The following ABCB7 variants were observed in gnomAD, a reference collection of about 807,000 sequenced individuals.
ABCB7 encodes the protein iron-sulfur clusters transporter ABCB7, mitochondrial.
Under a neutral mutation model 54.4 loss-of-function variants are expected in ABCB7, and 7 were observed. That is an observed-to-expected ratio of 0.13 (90% confidence interval 0.07 to 0.24). The LOEUF (loss-of-function observed/expected upper bound fraction) is 0.24, where lower values mean the gene tolerates loss of function less well. Among genes scored for constraint, ABCB7 ranks in the 10% least tolerant of loss-of-function variants. ABCB7 has a pLI of 1.00. For missense variants in ABCB7, 356 were observed against 570.4 expected (o/e 0.62, Z 3.83); for synonymous variants, 218 against 207.1 (o/e 1.05, Z -0.45).
chrX:75,099,237 T>A (rs1463544522), intron 3 of ABCB7, among the ~76,000 whole-genome samples, 176 bp from the exon 4 acceptor site: 2 of 112,106 alleles, frequency 1.8e-5, no homozygotes, highest in African/African-American at 6.5e-5. Flanking sequence ...GAAAAATTAT[T>A]TCAATTACTT....
intron 1 of ABCB7, among the ~76,000 whole-genome samples, chrX:75,129,607 A>T (rs1480642686): frequency 3.8e-5 from 4 of 104,548 alleles, no homozygotes; most frequent in Non-Finnish European, 5.9e-5. Context: ...AATATATATA[A>T]TATATATATA....
intron 1 of ABCB7, among the ~76,000 whole-genome samples, chrX:75,134,214 CA>C (rs1380844576): frequency 9.0e-6 from 1 of 111,454 alleles, no homozygotes; most frequent in African/African-American, 3.3e-5. Flanking sequence ...AAACCAACAA[CA>C]ATCAAAAAGG....
At chrX:75,078,394 T>C (rs1447704055) in intron 4 of ABCB7, among the ~76,000 whole-genome samples, 1 of 111,873 alleles carries the variant, frequency 8.9e-6, no homozygotes, top group Non-Finnish European at 1.9e-5. Context: ...TGTATGTATA[T>C]ATGCATGGAT....
chrX:75,114,436 A>C (rs1235686740), intron 2 of ABCB7, among the ~76,000 whole-genome samples: 2 of 112,395 alleles, frequency 1.8e-5, no homozygotes, highest in East Asian at 5.6e-4. Context: ...AAAAACATAA[A>C]GCATTTCACA....
rs184166601 is a variant in ABCB7, at chrX:75,069,591, A to C, written c.1366-137T>G. The C allele has an allele frequency of 2.1e-4, 130 of 627,613 alleles. No homozygotes were observed. The African/African-American group carries it at 2.7e-3, about 13-fold the overall frequency. The allele number at this position is 627,613 out of a possible 1,213,427, so 51.7% of individuals were successfully genotyped here. On this transcript the variant is annotated intron_variant, in intron 10 of 15. Coordinates refer to ENST00000373394, the MANE Select transcript of ABCB7 (RefSeq NM_001271696.3). ...TTATAAGTGGACTTAGACCACTTCC[A>C]AGCATGCATTTAAAGATTTGTTTTC...
intron 1 of ABCB7, among the ~76,000 whole-genome samples, chrX:75,132,622 T>A (rs1378517317): frequency 1.8e-5 from 2 of 112,384 alleles, no homozygotes; most frequent in African/African-American, 6.5e-5. Flanking sequence ...AGAGGGAGCA[T>A]GGCTGTAAAT....
intron 1 of ABCB7, among the ~76,000 whole-genome samples, chrX:75,115,629 G>C (rs1007097962): frequency 4.6e-5 from 5 of 108,116 alleles, no homozygotes; most frequent in African/African-American, 1.7e-4. Flanking sequence ...GATCAGTTTT[G>C]ACAAACGATT....
Position 75,073,962 on chromosome X carries a change from A to C in ABCB7, c.856-6T>G. The stretch of plus-strand genomic sequence containing the variant: ...TGGGCACCGCATTTGTAATACTAGA[A>C]AAGGAAGTCCAAAGAAGAAACGTGA... On this transcript the variant is annotated splice_region_variant and splice_polypyrimidine_tract_variant and intron_variant, in intron 6 of 15. Coordinates refer to ENST00000373394, the MANE Select transcript of ABCB7 (RefSeq NM_001271696.3). The C allele has an allele frequency of 8.4e-7, 1 of 1,187,692 alleles. No individual in the cohort carries two copies. Among genetic ancestry groups the C allele is most frequent in the Non-Finnish European group, 1.1e-6 (1 of 873,630 alleles).
chrX:75,155,141 A>C (rs979142716), intron 1 of ABCB7, among the ~76,000 whole-genome samples: 2 of 112,943 alleles, frequency 1.8e-5, no homozygotes, highest in Non-Finnish European at 3.7e-5. Flanking sequence ...CAATCTCCTT[A>C]ACTAAACTGT....
chrX:75,060,359 A>G (rs1197985843), intron 14 of ABCB7, 29 bp from the exon 15 acceptor site: 4 of 1,059,191 alleles, frequency 3.8e-6, no homozygotes, highest in African/African-American at 3.7e-5. Flanking sequence ...GAAGAACAGG[A>G]GAAAATAAAA....
chrX:75,099,931 G>A (rs1457408976), intron 3 of ABCB7, among the ~76,000 whole-genome samples: 1 of 109,562 alleles, frequency 9.1e-6, no homozygotes, highest in Admixed American at 9.8e-5. Context: ...GCTTATTACT[G>A]CTGAGGGCAT....
intron 1 of ABCB7, among the ~76,000 whole-genome samples, chrX:75,142,427 C>T (rs916183300): frequency 8.9e-6 from 1 of 111,943 alleles, no homozygotes; most frequent in Non-Finnish European, 1.9e-5. Context: ...ATTGAATCCA[C>T]AGATGCGGAA....
chrX:75,138,277 AAAGT>A (rs1256903058), intron 1 of ABCB7, among the ~76,000 whole-genome samples: 13 of 111,237 alleles, frequency 1.2e-4, no homozygotes, highest in African/African-American at 3.9e-4. Flanking sequence ...CAGAAGAAAA[AAAGT>A]ATGTATTATG....
Position 75,076,408 on chromosome X carries a change from C to T in ABCB7, c.586+114G>A, listed in dbSNP as rs760318766. 9.5e-5 allele frequency: 92 copies of T among 973,179 alleles called. No individual in the cohort carries two copies. In the African/African-American group the frequency reaches 1.6e-3, roughly 17 times the overall value. 80.2% of individuals were successfully genotyped at this position (973,179 alleles called of 1,213,427 possible). A position where few individuals can be genotyped will look rare whatever the true frequency, so the allele number is the denominator to read the frequency against. ...ATACAAAACATCTCACATAAAACAA[C>T]AAACATCCAAAACGCTAAGTTGTGT... On this transcript the variant is annotated intron_variant, in intron 5 of 15. Coordinates refer to ENST00000373394, the MANE Select transcript of ABCB7 (RefSeq NM_001271696.3).
intron 1 of ABCB7, among the ~76,000 whole-genome samples, chrX:75,134,406 T>C (rs768866907): frequency 1.5e-4 from 17 of 111,852 alleles, no homozygotes; most frequent in Non-Finnish European, 2.8e-4. Context: ...CTGGCAGTAT[T>C]GGGCAGACTA....
chrX:75,068,650 C>G (rs758829388), intron 12 of ABCB7, among the ~76,000 whole-genome samples: 22 of 112,082 alleles, frequency 2.0e-4, no homozygotes, highest in African/African-American at 6.5e-4. Context: ...TTTATTATCT[C>G]TAATCCACAA....
intron 1 of ABCB7, among the ~76,000 whole-genome samples, chrX:75,145,306 T>C (rs2082083678): frequency 1.8e-5 from 2 of 111,148 alleles, no homozygotes; most frequent in Non-Finnish European, 3.8e-5. Flanking sequence ...ATATCCTTAA[T>C]GAACACTAAC....
Position 75,156,197 on chromosome X carries a change from T to G in ABCB7, c.76A>C (p.Ile26Leu), listed in dbSNP as rs2082175567. 1.7e-6 allele frequency: 2 copies of G among 1,204,041 alleles called. No homozygotes were observed. Among genetic ancestry groups the G allele is most frequent in the Non-Finnish European group, 2.2e-6 (2 of 892,300 alleles). The change falls in exon 1 of 16, where the codon ATT becomes CTT. Residue 26 changes from isoleucine (I) to leucine (L), a missense_variant. By Grantham distance (5) the Ile-to-Leu change is conservative. Coordinates refer to ENST00000373394, the MANE Select transcript of ABCB7 (RefSeq NM_001271696.3). Reference protein sequence around the residue: ...AAFEKRRHSAILIRPLVSVSG... With the variant: ...AAFEKRRHSALLIRPLVSVSG... ...ACAGAGACTAAAGGCCGGATCAGAA[T>G]CGCGGAGTGCCGGCGCTTTTCGAAA...
intron 4 of ABCB7, among the ~76,000 whole-genome samples, chrX:75,088,483 A>T (rs1237735640): frequency 8.9e-6 from 1 of 112,219 alleles, no homozygotes; most frequent in Non-Finnish European, 1.9e-5. Context: ...AAAAGGTTGT[A>T]CAAGAAATCA....
Sources: allele counts gnomAD v4.1 joint callset (sites outside exome capture counted in the v4.1 genomes callset), GRCh38; gene constraint gnomAD v4.1.1; transcripts MANE v1.5; gene names NCBI Gene and HGNC (gene_info 2026-07-23, HGNC 2026-07-21).